Variants in CPZ observed in about 807,000 individuals in gnomAD.
The protein encoded by CPZ is carboxypeptidase Z.
In CPZ, 103 loss-of-function variants were observed where a neutral mutation model predicts 61.8. That is an observed-to-expected ratio of 1.67 (90% CI 1.42 to 1.96). The LOEUF is 1.96. Among genes scored for constraint, CPZ ranks in the 30% most tolerant of loss-of-function variants. CPZ has a pLI of 0.00. For synonymous variants in CPZ, 551 were observed against 373.7 expected (o/e 1.47, Z -5.47); for missense variants, 1,461 against 914.9 (o/e 1.60, Z -7.70).
intron 7 of CPZ, among the ~76,000 whole-genome samples, chr4:8,608,285 G>C (rs925958049): frequency 6.6e-6 from 1 of 152,146 alleles, no homozygotes; most frequent in Non-Finnish European, 1.5e-5. Context: ...CGCGTGGAGA[G>C]CCAGGCCTGC....
intron 1 of CPZ, 86 bp from the exon 2 acceptor site, chr4:8,599,367 C>G: frequency 6.8e-7 from 1 of 1,476,034 alleles, no homozygotes; most frequent in African/African-American, 1.4e-5. Context: ...TGGTCCCTAC[C>G]TGCACTCAGG....
chr4:8,611,873 G>GGACACCGTTCCCCTCTCCTACCTGCA (rs1715726367), intron 7 of CPZ, among the ~76,000 whole-genome samples, 154 bp from the exon 8 acceptor site: 3 of 152,156 alleles, frequency 2.0e-5, no homozygotes, highest in South Asian at 4.2e-4. Context: ...GTCCTCTGCA[G>GGACACCGTTCCCCTCTCCTACCTGCA]GACACCGTTC....
chr4:8,615,623 T>C (rs1325063908), intron 9 of CPZ, among the ~76,000 whole-genome samples: 1 of 151,802 alleles, frequency 6.6e-6, no homozygotes, highest in Non-Finnish European at 1.5e-5. Context: ...ATAGATGGAG[T>C]TGAGGTTCTG....
chr4:8,611,280 G>C (rs780535251), intron 7 of CPZ: 1 of 456,252 alleles, frequency 2.2e-6, no homozygotes, highest in South Asian at 1.5e-5. Flanking sequence ...GTCAGTCTGG[G>C]ACTTACAGAC....
chr4:8,596,368 G>A (rs1714178361), intron 1 of CPZ, among the ~76,000 whole-genome samples: 1 of 152,368 alleles, frequency 6.6e-6, no homozygotes, highest in Admixed American at 6.5e-5. Flanking sequence ...TTTAACCTAA[G>A]CATGGTGGGC....
rs1715979709 is a variant in CPZ, at chr4:8,614,349, T to C, written c.1364-10T>C. 2 of 1,611,516 alleles carry C rather than the reference T, an allele frequency of 1.2e-6. No homozygotes were observed. Among genetic ancestry groups the C allele is most frequent in the Non-Finnish European group, 1.7e-6 (2 of 1,178,770 alleles). On this transcript the variant is annotated splice_polypyrimidine_tract_variant and intron_variant, in intron 8 of 10. Transcript: ENST00000360986. ...ACACCCCTGACGTCCCCGCTGTCTC[T>C]GTGCCACAGGCATGTCCGATTTCAA... is the stretch of plus-strand genomic sequence containing the variant.
rs141765437 is a variant in CPZ at position 8,593,275 on chromosome 4, C to T, written c.88+354C>T. Among the ~76,000 whole-genome samples, 417 of 152,260 alleles carry T rather than the reference C, an allele frequency of 2.7e-3. 5 individuals are homozygous for T. Among genetic ancestry groups the T allele is most frequent in the African/African-American group, 9.7e-3 (401 of 41,540 alleles). ...TGCCAGGACTTTGCAGGGTGAGAGG[C>T]CATCTAAGGTCCCCGGGTCTTTCCA... On this transcript the variant is annotated intron_variant, in intron 1 of 10. Coordinates refer to ENST00000360986, the MANE Select transcript of CPZ (RefSeq NM_001014447.3).
chr4:8,619,559 G>T lies in CPZ; in HGVS notation c.1901G>T (p.Trp634Leu). 6.4e-7 allele frequency: 1 copy of T among 1,550,460 alleles called. No homozygotes were observed. The highest frequency in any genetic ancestry group is 8.7e-7 in the Non-Finnish European group (1 of 1,147,946). The change falls in exon 11 of 11, where the codon TGG becomes TTG. Residue 634 changes from tryptophan to leucine, a missense_variant. Trp to Leu is a moderately conservative substitution (Grantham distance 61, BLOSUM62 -2). Transcript: ENST00000360986. The part of the protein sequence containing the change: ...QPSADGSKPW[W>L]WSYFTSLSTH... Reference sequence around the variant, plus strand: ...TCGGCCGACGGGAGTAAGCCCTGGTGGTGGTCCTACTTCACATCGCTGAGC... The same window carrying T: ...TCGGCCGACGGGAGTAAGCCCTGGTTGTGGTCCTACTTCACATCGCTGAGC...
At chr4:8,605,354 T>C (rs369586095) in intron 4 of CPZ, among the ~76,000 whole-genome samples, 6 of 31,800 alleles carry the variant, frequency 1.9e-4, no homozygotes, top group African/African-American at 4.3e-4. Flanking sequence ...ATCCATTTAT[T>C]CATTCAGCCA....
rs568923212 is a variant in CPZ, at chr4:8,611,960, T to C, written c.1228-67T>C. 8.6e-4 allele frequency: 1,389 copies of C among 1,607,892 alleles called. 1 individual carries two copies. In the Middle Eastern group the frequency reaches 0.016, roughly 18 times the overall value. On this transcript the variant is annotated intron_variant, in intron 7 of 10. Coordinates refer to ENST00000360986, the MANE Select transcript of CPZ (RefSeq NM_001014447.3). ...TTTGCACGCGCAGCTCCTCCCCTCA[T>C]TGACCCCAGCTCACAGGACGTCCTG...
In CPZ at chr4:8,612,120, G is replaced by T. The variant is rs775707132; in HGVS notation, c.1321G>T (p.Gly441Trp). 1.1e-5 allele frequency: 18 copies of T among 1,610,894 alleles called. 1 individual carries two copies. The South Asian group carries it at 1.5e-4, about 14-fold the overall frequency. Residue 441 changes from glycine to tryptophan, a missense_variant, in exon 8 of 11, where the codon GGG (glycine) becomes TGG (tryptophan). Transcript: ENST00000360986. ...NRCGGNFLKR[G>W]SIINGADWYS... ...GTGTGGAGGCAATTTCCTGAAGAGG[G>T]GGAGCATCATCAACGGGGCGGACTG...
intron 7 of CPZ, among the ~76,000 whole-genome samples, chr4:8,609,750 A>G (rs1358977142): frequency 6.6e-6 from 1 of 152,238 alleles, no homozygotes; most frequent in Non-Finnish European, 1.5e-5. Flanking sequence ...GAGTCCCATC[A>G]GAGCCAGAGA....
intron 9 of CPZ, among the ~76,000 whole-genome samples, chr4:8,616,280 C>T (rs779911301): frequency 5.9e-5 from 9 of 151,990 alleles, no homozygotes; most frequent in Non-Finnish European, 1.2e-4. Flanking sequence ...TCACCTGGGG[C>T]GAGGGGAGGG....
chr4:8,618,563 G>A (rs779475380), intron 10 of CPZ, 35 bp downstream of exon 10: 16 of 1,594,848 alleles, frequency 1.0e-5, no homozygotes, highest in Middle Eastern at 1.7e-4. Flanking sequence ...TGGGGACCAC[G>A]TCTGCCAAGG....
chr4:8,607,776 G>GT (rs1018074780), intron 7 of CPZ, among the ~76,000 whole-genome samples: 3 of 152,174 alleles, frequency 2.0e-5, no homozygotes, highest in African/African-American at 7.2e-5. Flanking sequence ...CCGCAGAGGG[G>GT]TGCGTTTCCG....
chr4:8,608,174 A>C lies in CPZ; in HGVS notation c.1227+749A>C, dbSNP rs542421034. 3.4e-3 allele frequency among the ~76,000 whole-genome samples: 492 copies of C among 146,408 alleles called. 4 individuals are homozygous for C. Among genetic ancestry groups the C allele is most frequent in the African/African-American group, 0.011 (444 of 40,480 alleles). ...CCCAGCCCCCAGCTGCGGATCCTGG[A>C]GCTTAGCTGCCTGAACTGCCCCTAG... On this transcript the variant is annotated intron_variant, in intron 7 of 10. Coordinates refer to ENST00000360986, the MANE Select transcript of CPZ (RefSeq NM_001014447.3).
rs553907593 is a variant in CPZ at position 8,617,945 on chromosome 4, A to C, written c.1504-484A>C. 61 of 165,778 alleles carry C rather than the reference A, an allele frequency of 3.7e-4. 1 individual carries two copies. In the East Asian group the frequency reaches 9.7e-3, roughly 26 times the overall value. 10.3% of individuals were successfully genotyped at this position (165,778 alleles called of 1,614,324 possible). A position where few individuals can be genotyped will look rare whatever the true frequency, so the allele number is the denominator to read the frequency against. On this transcript the variant is annotated intron_variant, in intron 9 of 10. Transcript: ENST00000360986. ...TGCCAAGGCCAGGCAAGCAGTAAGA[A>C]GGCAGGGCGTGTTATACACGTGTAC...
intron 1 of CPZ, among the ~76,000 whole-genome samples, chr4:8,594,070 C>A (rs183696863): frequency 6.6e-6 from 1 of 152,330 alleles, no homozygotes; most frequent in African/African-American, 2.4e-5. Context: ...GCAGCCTCCT[C>A]CTCTGCACGC....
Position 8,619,335 on chromosome 4 carries a change from C to A in CPZ, c.1677C>A (p.Ala559=). 6.2e-7 allele frequency: 1 copy of A among 1,614,172 alleles called. No homozygotes were observed. The highest frequency in any genetic ancestry group is 1.1e-5 in the South Asian group (1 of 91,076). The change falls in exon 11 of 11, where the codon GCC becomes GCA. Residue 559 remains alanine, a synonymous_variant. Coordinates refer to ENST00000360986, the MANE Select transcript of CPZ (RefSeq NM_001014447.3). ...HIVIAQAPGY[A]KVIKKVIIPA... is the part of the protein sequence containing the mutation. Reference sequence around the variant, plus strand: ...TCATTGCCCAAGCCCCTGGCTACGCCAAAGTCATCAAGAAAGTCATCATCC... The same window carrying A: ...TCATTGCCCAAGCCCCTGGCTACGCAAAAGTCATCAAGAAAGTCATCATCC...
Sources: gnomAD v4.1 joint callset for allele counts (sites outside exome capture counted in the v4.1 genomes callset) on GRCh38, gnomAD v4.1.1 for gene constraint, MANE v1.5 for transcripts, NCBI Gene and HGNC (gene_info 2026-07-23, HGNC 2026-07-21) for gene names.